The following DTHD1 variants were observed in gnomAD, a reference collection of about 807,000 sequenced individuals.
DTHD1 encodes death domain containing 1.
A neutral mutation model predicts 74.8 loss-of-function variants in DTHD1; 59 were observed. That is an observed-to-expected ratio of 0.79 (90% CI 0.64 to 0.98). The LOEUF is 0.98. DTHD1 is among the 50% of genes least tolerant of loss of function. The pLI is 0.00. For synonymous variants in DTHD1, 365 were observed against 371.1 expected (o/e 0.98, Z 0.19); for missense variants, 1,051 against 1,065.4 (o/e 0.99, Z 0.19).
intron 8 of DTHD1, among the ~76,000 whole-genome samples, chr4:36,337,051 C>A (rs1001887992): frequency 8.6e-5 from 13 of 152,040 alleles, no homozygotes; most frequent in African/African-American, 3.1e-4. Flanking sequence ...GAGGGGAGAC[C>A]GCACGAGGCC....
At chr4:36,289,047 AT>A (rs1253452655) in intron 2 of DTHD1, among the ~76,000 whole-genome samples, 1 of 152,182 alleles carries the variant, frequency 6.6e-6, no homozygotes, top group Admixed American at 6.5e-5. Flanking sequence ...ATTTCTACAT[AT>A]TTTTTGGATT....
At chr4:36,333,234 G>T (rs868345435) in intron 8 of DTHD1, among the ~76,000 whole-genome samples, 1 of 151,730 alleles carries the variant, frequency 6.6e-6, no homozygotes, top group Non-Finnish European at 1.5e-5. Flanking sequence ...ACATATATGT[G>T]AAATATACAA....
intron 8 of DTHD1, 62 bp downstream of exon 8, chr4:36,316,548 A>G: frequency 6.8e-7 from 1 of 1,463,822 alleles, no homozygotes; most frequent in Non-Finnish European, 9.1e-7. Context: ...CTGTAACACA[A>G]TCAGTTTTTC....
At chr4:36,286,496 TC>T (rs1412090821) in intron 2 of DTHD1, among the ~76,000 whole-genome samples, 1 of 152,168 alleles carries the variant, frequency 6.6e-6, no homozygotes, top group African/African-American at 2.4e-5. Context: ...TGTTGTCAAT[TC>T]CCCCGTATAG....
At chr4:36,303,630 T>C (rs1156325223) in intron 5 of DTHD1, among the ~76,000 whole-genome samples, 2 of 152,156 alleles carry the variant, frequency 1.3e-5, no homozygotes, top group African/African-American at 4.8e-5. Context: ...TCCCTATGAA[T>C]ATGCATAAAA....
chr4:36,306,072 G>C, intron 5 of DTHD1, 119 bp from the exon 6 acceptor site: 1 of 998,628 alleles, frequency 1.0e-6, no homozygotes, highest in South Asian at 1.8e-5. Context: ...ATAATTCCTG[G>C]CACATAGTAT....
chr4:36,330,841 T>C (rs1028816048), intron 8 of DTHD1, among the ~76,000 whole-genome samples: 5 of 152,162 alleles, frequency 3.3e-5, no homozygotes, highest in Admixed American at 3.3e-4. Flanking sequence ...GCTTTTATAG[T>C]AGCATTAATT....
At position 36,345,585 on chromosome 4, in the gene DTHD1, A is replaced by G. The variant is rs1759547059; in HGVS notation, c.*1761A>G. 6.6e-6 allele frequency: 1 copy of G among 152,198 alleles called. No homozygotes were observed. The highest frequency in any genetic ancestry group is 2.4e-5 in the African/African-American group (1 of 41,452). 9.4% of individuals were successfully genotyped at this position (152,198 alleles called of 1,614,324 possible). ...ATCAAAAAAGGCGATTCCCATTTTCAAACATAGTCCCATAAAGGAATATTT... is the reference window on the plus strand; with the variant it reads ...ATCAAAAAAGGCGATTCCCATTTTCGAACATAGTCCCATAAAGGAATATTT... On this transcript the variant is annotated 3_prime_UTR_variant, in exon 10 of 10. Coordinates refer to ENST00000639862, the MANE Select transcript of DTHD1 (RefSeq NM_001170700.3).
intron 8 of DTHD1, among the ~76,000 whole-genome samples, chr4:36,337,776 G>C (rs576601448): frequency 4.6e-4 from 70 of 152,284 alleles, no homozygotes; most frequent in African/African-American, 1.6e-3. Flanking sequence ...ACTTGTATTA[G>C]AGTGCTCAGT....
At chr4:36,296,890 T>G (rs1191284990) in intron 5 of DTHD1, among the ~76,000 whole-genome samples, 1 of 152,182 alleles carries the variant, frequency 6.6e-6, no homozygotes, top group South Asian at 2.1e-4. Flanking sequence ...AACTTTTGAC[T>G]CCTCGAAAAC....
At chr4:36,339,037 A>C in intron 8 of DTHD1, 75 bp from the exon 9 acceptor site, 1 of 1,181,528 alleles carries the variant, frequency 8.5e-7, no homozygotes, top group Non-Finnish European at 1.2e-6. Context: ...GATGATGTTC[A>C]GATGAATTTT....
intron 8 of DTHD1, among the ~76,000 whole-genome samples, chr4:36,338,287 A>G (rs966291487): frequency 2.0e-5 from 3 of 152,184 alleles, no homozygotes; most frequent in African/African-American, 7.2e-5. Flanking sequence ...TGTCCCATGT[A>G]TCAATGTTTT....
At chr4:36,332,590 C>G (rs1265560073) in intron 8 of DTHD1, among the ~76,000 whole-genome samples, 5 of 103,038 alleles carry the variant, frequency 4.9e-5, no homozygotes, top group Non-Finnish European at 9.6e-5. Flanking sequence ...GTGACATCAG[C>G]TTAGTCAGTG....
chr4:36,307,982 C>T (rs571461797), intron 6 of DTHD1, among the ~76,000 whole-genome samples: 43 of 152,260 alleles, frequency 2.8e-4, no homozygotes, highest in African/African-American at 9.1e-4. Flanking sequence ...AGTGCTGGGA[C>T]GCCTCCCAAG....
At chr4:36,324,148 C>T (rs2109539857) in intron 8 of DTHD1, among the ~76,000 whole-genome samples, 1 of 151,768 alleles carries the variant, frequency 6.6e-6, no homozygotes, top group South Asian at 2.1e-4. Context: ...CCCCCCCATT[C>T]CTTTCTCTTG....
chr4:36,283,630 C>T (rs897262418), intron 1 of DTHD1, among the ~76,000 whole-genome samples: 43 of 152,174 alleles, frequency 2.8e-4, no homozygotes, highest in African/African-American at 9.9e-4. Context: ...TTCTCAAAAT[C>T]ATACCAAATG....
chr4:36,314,072 T>TTG (rs1560804321), intron 7 of DTHD1, among the ~76,000 whole-genome samples: 6 of 150,764 alleles, frequency 4.0e-5, no homozygotes. Flanking sequence ...GGAATCTGTT[T>TTG]TTTTTTTTTT....
At chr4:36,292,357 C>A (rs929904863) in intron 3 of DTHD1, among the ~76,000 whole-genome samples, 3 of 152,148 alleles carry the variant, frequency 2.0e-5, no homozygotes, top group Non-Finnish European at 4.4e-5. Context: ...GCGAGGGAAT[C>A]ATTGTCTATC....
At chr4:36,322,261 G>C (rs574734880) in intron 8 of DTHD1, among the ~76,000 whole-genome samples, 1 of 152,146 alleles carries the variant, frequency 6.6e-6, no homozygotes, top group Non-Finnish European at 1.5e-5. Context: ...CAAATCACAA[G>C]TACCTAGAAT....
Sources: gnomAD v4.1 joint callset for allele counts (sites outside exome capture counted in the v4.1 genomes callset) on GRCh38, gnomAD v4.1.1 for gene constraint, MANE v1.5 for transcripts, NCBI Gene and HGNC (gene_info 2026-07-23, HGNC 2026-07-21) for gene names.